Variants in VGLL4 observed in about 807,000 individuals in gnomAD.
The protein encoded by VGLL4 is vestigial like family member 4.
A neutral mutation model predicts 21.0 loss-of-function variants in VGLL4; 7 were observed. The ratio of observed to expected loss-of-function variants is 0.33; its 90% CI spans 0.19 to 0.63. VGLL4 has a LOEUF of 0.63. Among genes scored for constraint, VGLL4 ranks in the 20% least tolerant of loss-of-function variants. VGLL4 has a pLI of 0.78. For synonymous variants in VGLL4, 222 were observed against 173.2 expected, an observed-to-expected ratio of 1.28 and a Z score of -2.21; for missense variants, 394 against 425.7, an observed-to-expected ratio of 0.93 and a Z score of 0.66.
At chr3:11,644,059 AG>A (rs560026722), upstream of VGLL4, 1,911 of 926,302 alleles carry the variant, frequency 2.1e-3, 7 homozygotes, top group Non-Finnish European at 2.4e-3. Context: ...GAGAAAGGGG[AG>A]GGGGAGAGAC....
chr3:11,610,823 TG>T (rs1408797547), intron 1 of VGLL4: 1 of 152,240 alleles, frequency 6.6e-6, no homozygotes, highest in Admixed American at 6.5e-5. Flanking sequence ...GAAGCCTTCC[TG>T]TATCTTCTAT....
intron 2 of VGLL4, among the ~76,000 whole-genome samples, chr3:11,575,424 C>A (rs1048724320): frequency 1.3e-5 from 2 of 152,206 alleles, no homozygotes; most frequent in Non-Finnish European, 2.9e-5. Context: ...CCTCCAGCAG[C>A]TCAGCTGGAA....
At chr3:11,697,278 T>G (rs897490928) in intron 2 of VGLL4, among the ~76,000 whole-genome samples, 6 of 151,572 alleles carry the variant, frequency 4.0e-5, no homozygotes, top group Admixed American at 6.6e-5. Flanking sequence ...TTGTGGTTTT[T>G]TTTTTTTTTT....
chr3:11,718,897 T>G (rs928240036), intron 1 of VGLL4, among the ~76,000 whole-genome samples: 19 of 152,278 alleles, frequency 1.2e-4, no homozygotes, highest in Non-Finnish European at 2.1e-4. Context: ...ATCATCTAAC[T>G]TAAACAGACG....
rs1450785156 is a variant in VGLL4 at position 11,719,825 on chromosome 3, C to G, written c.-14+569G>C. Among the ~76,000 whole-genome samples, 2 of 152,224 alleles carry G rather than the reference C, an allele frequency of 1.3e-5. No homozygotes were observed. The highest frequency in any genetic ancestry group is 4.8e-5 in the African/African-American group (2 of 41,552). On this transcript the variant is annotated intron_variant, in intron 1 of 5. Coordinates refer to the VGLL4 transcript ENST00000273038. The surrounding 1 kb of genome is among the most constrained non-coding windows in gnomAD (Gnocchi z 4.0). ...GCCAGCTGCGCGCCCGGTGCCAGCT[C>G]GCACCTCCCGGGCCGATGCCGGCGC... is the stretch of plus-strand genomic sequence containing the variant.
chr3:11,613,723 G>A (rs930364422), intron 1 of VGLL4, among the ~76,000 whole-genome samples: 8 of 152,142 alleles, frequency 5.3e-5, no homozygotes, highest in African/African-American at 1.9e-4. Flanking sequence ...ATTTCTATGC[G>A]AATCAATGAG....
intron 1 of VGLL4, among the ~76,000 whole-genome samples, chr3:11,718,770 C>T (rs1203787259): frequency 2.0e-5 from 3 of 152,108 alleles, no homozygotes; most frequent in Non-Finnish European, 2.9e-5. Context: ...AGAACCGCCT[C>T]CACTTCCCCA....
intron 1 of VGLL4, among the ~76,000 whole-genome samples, chr3:11,607,648 A>G (rs1352440050): frequency 6.6e-6 from 1 of 152,252 alleles, no homozygotes; most frequent in Non-Finnish European, 1.5e-5. Flanking sequence ...ATTTATAAGC[A>G]GTATAAGGCT....
At chr3:11,622,258 A>G (rs2443722) in intron 1 of VGLL4, among the ~76,000 whole-genome samples, 100,121 of 152,048 alleles carry the variant, frequency 0.66, 33,672 homozygotes, top group Non-Finnish European at 0.73. Context: ...TTTCTTGATA[A>G]GCCAGCCTAT....
At position 11,707,592 on chromosome 3, in the gene VGLL4, G is replaced by T. The variant is rs2076780787; in HGVS notation, c.-13-4545C>A. On this transcript the variant is annotated intron_variant, in intron 1 of 5. Coordinates refer to the VGLL4 transcript ENST00000273038. ...CAGGTGGGTGTGGTGGCTCAGCCAT[G>T]TAATCCCAGTGCTCTGAGAGGCCAA... 2.0e-5 allele frequency among the ~76,000 whole-genome samples: 3 copies of T among 151,766 alleles called. No homozygotes were observed. The South Asian group carries it at 6.2e-4, about 32-fold the overall frequency.
rs563482649 is a variant in VGLL4 at position 11,606,903 on chromosome 3, C to T, written c.83-4881G>A. ...CTGCTGCTCACTCTTTGTGTCCGTG[C>T]CACCTTTAAGAGCTGTAACACTCAC... On this transcript the variant is annotated intron_variant, in intron 1 of 4. Coordinates refer to ENST00000430365, the MANE Select transcript of VGLL4 (RefSeq NM_001128219.3). Among the ~76,000 whole-genome samples, 38 of 152,272 alleles carry T rather than the reference C, an allele frequency of 2.5e-4. 2 individuals carry two copies. In the South Asian group the frequency reaches 7.3e-3, roughly 29 times the overall value.
chr3:11,560,464 C>T (rs1476695311), intron 3 of VGLL4, among the ~76,000 whole-genome samples: 2 of 152,166 alleles, frequency 1.3e-5, no homozygotes, highest in African/African-American at 2.4e-5. Flanking sequence ...GCCAGAGGGA[C>T]GCTGGGCCTT....
chr3:11,645,200 AAC>A (rs201484654), upstream of VGLL4, among the ~76,000 whole-genome samples: 18,529 of 140,316 alleles, frequency 0.13, 1,628 homozygotes, highest in African/African-American at 0.28. Flanking sequence ...AAAAAAAAAA[AAC>A]AAAAACTAAA....
At chr3:11,593,081 A>C (rs958174528) in intron 2 of VGLL4, among the ~76,000 whole-genome samples, 1 of 152,242 alleles carries the variant, frequency 6.6e-6, no homozygotes, top group South Asian at 2.1e-4. Flanking sequence ...AGCTGCTAGC[A>C]GGGTCAAGGG....
chr3:11,616,936 A>G (rs1194194842), intron 1 of VGLL4, among the ~76,000 whole-genome samples: 1 of 152,242 alleles, frequency 6.6e-6, no homozygotes, highest in Non-Finnish European at 1.5e-5. Context: ...ATGGTATATT[A>G]GTTATATCTC....
In VGLL4 at chr3:11,558,721, G is replaced by T; in HGVS notation, c.726C>A (p.Ser242=). The T allele has an allele frequency of 6.2e-7, 1 of 1,614,162 alleles. No homozygotes were observed. The highest frequency in any genetic ancestry group is 8.5e-7 in the Non-Finnish European group (1 of 1,180,050). ...PAPNSVSITG[S]VDDHFAKALG... is the part of the protein sequence containing the mutation. Reference sequence around the variant, plus strand: ...GAGCTTTGGCAAAGTGGTCGTCCACGGAGCCCGTGATGGACACGGAGTTGG... The same window carrying T: ...GAGCTTTGGCAAAGTGGTCGTCCACTGAGCCCGTGATGGACACGGAGTTGG... The change falls in exon 5 of 5, where the codon TCC becomes TCA. Residue 242 remains serine (S), a synonymous_variant. Transcript: ENST00000430365.
At chr3:11,695,313 G>T (rs1220344711) in intron 2 of VGLL4, among the ~76,000 whole-genome samples, 3 of 152,156 alleles carry the variant, frequency 2.0e-5, no homozygotes, top group Middle Eastern at 3.4e-3. Context: ...CTCCCAAAGT[G>T]CTGGGATTAC....
At chr3:11,683,192 G>C (rs114978286) in intron 2 of VGLL4, among the ~76,000 whole-genome samples, 1 of 141,312 alleles carries the variant, frequency 7.1e-6, no homozygotes, top group South Asian at 2.3e-4. Flanking sequence ...ACAACAGAGC[G>C]AGACTCTGTC....
chr3:11,662,036 A>G (rs1225189003), intron 2 of VGLL4, among the ~76,000 whole-genome samples: 1 of 152,258 alleles, frequency 6.6e-6, no homozygotes, highest in Non-Finnish European at 1.5e-5. Flanking sequence ...GAAGGAGCAC[A>G]TGACTCACAG....
Sources: gnomAD v4.1 joint callset for allele counts (sites outside exome capture counted in the v4.1 genomes callset) on GRCh38, gnomAD v4.1.1 for gene constraint, Gnocchi (gnomAD v3.1) non-coding constraint, MANE v1.5 for transcripts, NCBI Gene and HGNC (gene_info 2026-07-23, HGNC 2026-07-21) for gene names.